The following SLC14A2 variants were observed in gnomAD, a reference collection of about 807,000 sequenced individuals.
The protein encoded by SLC14A2 is urea transporter 2.
A neutral mutation model predicts 104.6 loss-of-function variants in SLC14A2; 91 were observed. The ratio of observed to expected loss-of-function variants is 0.87; its 90% confidence interval spans 0.73 to 1.04. SLC14A2 has a LOEUF of 1.04. SLC14A2 is among the 50% of genes least tolerant of loss of function. The pLI, the probability that SLC14A2 is intolerant of heterozygous loss-of-function variation, is 0.00. For missense variants in SLC14A2, 1,189 were observed against 1,156.0 expected, an observed-to-expected ratio of 1.03 and a Z score of -0.41; for synonymous variants, 476 against 466.4, an observed-to-expected ratio of 1.02 and a Z score of -0.27.
intron 1 of SLC14A2, among the ~76,000 whole-genome samples, chr18:45,241,320 GAGGAC>G (rs2144050707): frequency 6.6e-6 from 1 of 152,344 alleles, no homozygotes; most frequent in East Asian, 1.9e-4. Flanking sequence ...TGTCTCTGCT[GAGGAC>G]AGGAAGGCTG....
chr18:45,430,109 G>A (rs1432391575), intron 1 of SLC14A2, among the ~76,000 whole-genome samples: 1 of 152,154 alleles, frequency 6.6e-6, no homozygotes, highest in Non-Finnish European at 1.5e-5. Context: ...TTCTTCAAAT[G>A]TTTAATCAAT....
At chr18:45,193,989 A>T in the SLC14A2 span, among the ~76,000 whole-genome samples, 9 of 152,084 alleles carry the variant, frequency 5.9e-5, no homozygotes, top group East Asian at 1.5e-3. Context: ...GCATTTCCTA[A>T]GTTCCAATTT....
At chr18:45,203,207 A>T in the SLC14A2 span, among the ~76,000 whole-genome samples, 1 of 152,176 alleles carries the variant, frequency 6.6e-6, no homozygotes, top group Non-Finnish European at 1.5e-5. Flanking sequence ...GGAAGGACTG[A>T]GTGAGCCAGG....
intron 2 of SLC14A2, among the ~76,000 whole-genome samples, chr18:45,543,915 C>A (rs1172126171): frequency 6.6e-6 from 1 of 152,164 alleles, no homozygotes; most frequent in Non-Finnish European, 1.5e-5. Flanking sequence ...CAGGTGGAGG[C>A]AAAGGGTGGC....
At chr18:45,602,406 T>C (rs1693087121) in intron 2 of SLC14A2, among the ~76,000 whole-genome samples, 1 of 152,058 alleles carries the variant, frequency 6.6e-6, no homozygotes, top group Admixed American at 6.5e-5. Context: ...AAAAAGGAAT[T>C]TGAAGCAGGG....
chr18:45,538,396 T>C (rs776445759), intron 2 of SLC14A2, among the ~76,000 whole-genome samples: 1 of 152,206 alleles, frequency 6.6e-6, no homozygotes, highest in Non-Finnish European at 1.5e-5. Context: ...GCTTAGAGTC[T>C]TTCGTGAGGT....
At chr18:45,391,517 GT>G (rs1378341338) in intron 1 of SLC14A2, among the ~76,000 whole-genome samples, 4 of 152,148 alleles carry the variant, frequency 2.6e-5, no homozygotes, top group Non-Finnish European at 4.4e-5. Flanking sequence ...TTCCACAATG[GT>G]TGAACTAGTT....
chr18:45,252,792 C>CTTTTTTTTTT (rs745363624), intron 1 of SLC14A2, among the ~76,000 whole-genome samples: 2 of 126,962 alleles, frequency 1.6e-5, no homozygotes, highest in African/African-American at 3.0e-5. Flanking sequence ...GCAATATTGA[C>CTTTTTTTTTT]TTTTTTTTTT....
intron 1 of SLC14A2, among the ~76,000 whole-genome samples, chr18:45,436,976 G>A (rs917978012): frequency 3.9e-5 from 6 of 152,100 alleles, no homozygotes; most frequent in Non-Finnish European, 7.4e-5. Context: ...TTGGTCCTCC[G>A]CTCAGGATTC....
At chr18:45,469,425 A>G (rs1233235985) in intron 1 of SLC14A2, among the ~76,000 whole-genome samples, 2 of 152,186 alleles carry the variant, frequency 1.3e-5, no homozygotes, top group Non-Finnish European at 2.9e-5. Context: ...TCCACAAAAT[A>G]CTCAGAGAAG....
chr18:45,226,544 T>G (rs906987667), intron 1 of SLC14A2, among the ~76,000 whole-genome samples: 2 of 151,872 alleles, frequency 1.3e-5, no homozygotes, highest in African/African-American at 4.8e-5. Flanking sequence ...CTGGAAACCA[T>G]CATTCTGAGC....
chr18:45,302,819 A>G (rs1038229737), intron 1 of SLC14A2, among the ~76,000 whole-genome samples: 3 of 152,190 alleles, frequency 2.0e-5, no homozygotes, highest in African/African-American at 4.8e-5. Context: ...TTTACATAAA[A>G]TGTTAACAAA....
the SLC14A2 span, among the ~76,000 whole-genome samples, chr18:45,207,024 A>T: frequency 6.6e-6 from 1 of 152,204 alleles, no homozygotes; most frequent in Admixed American, 6.5e-5. Flanking sequence ...AGTTTTCTGC[A>T]TAGTAGATAA....
intron 1 of SLC14A2, among the ~76,000 whole-genome samples, chr18:45,445,342 C>A (rs908540300): frequency 6.6e-6 from 1 of 152,088 alleles, no homozygotes; most frequent in African/African-American, 2.4e-5. Context: ...GAACTCCTGA[C>A]CTCATGATCT....
chr18:45,326,412 TATTATC>T (rs912481296), intron 1 of SLC14A2, among the ~76,000 whole-genome samples: 36 of 152,282 alleles, frequency 2.4e-4, no homozygotes, highest in African/African-American at 8.7e-4. Context: ...GTGGGAATCA[TATTATC>T]AATATCTAAA....
chr18:45,548,546 A>C (rs904867671), intron 2 of SLC14A2, among the ~76,000 whole-genome samples: 2 of 152,206 alleles, frequency 1.3e-5, no homozygotes, highest in Non-Finnish European at 2.9e-5. Flanking sequence ...TCTACAAAAA[A>C]TAAAAAAATT....
At chr18:45,310,962 G>A (rs1182046388) in intron 1 of SLC14A2, among the ~76,000 whole-genome samples, 2 of 152,136 alleles carry the variant, frequency 1.3e-5, no homozygotes, top group Non-Finnish European at 2.9e-5. Context: ...CTGGGACAAT[G>A]GCTACTAATC....
At chr18:45,569,819 T>C (rs953764186) in intron 2 of SLC14A2, among the ~76,000 whole-genome samples, 2 of 152,176 alleles carry the variant, frequency 1.3e-5, no homozygotes, top group Non-Finnish European at 2.9e-5. Context: ...TAGGCCTCTT[T>C]CCAGCCATCG....
chr18:45,595,341 C>T (rs540599377), intron 2 of SLC14A2, among the ~76,000 whole-genome samples: 8 of 151,782 alleles, frequency 5.3e-5, no homozygotes, highest in Non-Finnish European at 8.8e-5. Context: ...GCAGTTTATA[C>T]GCAGTATCTC....
Sources: gnomAD v4.1 joint callset for allele counts (sites outside exome capture counted in the v4.1 genomes callset) on GRCh38, gnomAD v4.1.1 for gene constraint, MANE v1.5 for transcripts, NCBI Gene and HGNC (gene_info 2026-07-23, HGNC 2026-07-21) for gene names.